GBP7: variants seen among roughly 807,000 people sequenced by gnomAD.
GBP7 encodes guanylate binding protein 7, also known as guanylate-binding protein 7.
In GBP7, 43 loss-of-function variants were observed where a neutral mutation model predicts 61.3. That is an observed-to-expected ratio of 0.70 (90% CI 0.55 to 0.91). The LOEUF is 0.91. GBP7 is among the 40% of genes least tolerant of loss of function. The pLI is 0.00. For synonymous variants in GBP7, 267 were observed against 271.0 expected (o/e 0.99, Z 0.14); for missense variants, 717 against 740.5 (o/e 0.97, Z 0.37).
Position 89,141,640 on chromosome 1 carries a change from C to T in GBP7, c.1374G>A (p.Glu458=), listed in dbSNP as rs775262454. ...GTGACTGCAGGAAGCTCTGGAGGAC[C>T]TCGTCTGCCTGAAGAACCAAGAAGG... ...LVPRKGVKAD[E]VLQSFLQSQV... is the part of the protein sequence containing the mutation. The change falls in exon 9 of 11, where the codon GAG becomes GAA. Residue 458 remains glutamate, a synonymous_variant. Transcript: ENST00000294671. The T allele has an allele frequency of 9.9e-6, 16 of 1,613,384 alleles. No individual in the cohort carries two copies. The highest frequency in any genetic ancestry group is 5.0e-5 in the Admixed American group (3 of 59,964).
chr1:89,133,295 A>G lies in GBP7; in HGVS notation c.1625T>C (p.Met542Thr), dbSNP rs761329228. 3 of 1,614,002 alleles carry G rather than the reference A, an allele frequency of 1.9e-6. No individual in the cohort carries two copies. The highest frequency in any genetic ancestry group is 4.5e-5 in the East Asian group (2 of 44,860). Residue 542 changes from methionine to threonine, a missense_variant, in exon 10 of 11, where the codon ATG becomes ACG. By Grantham distance (81) the Met-to-Thr change is moderately conservative (BLOSUM62 -1). Transcript: ENST00000294671. The part of the protein sequence containing the change: ...KKMERERENY[M>T]RELRKMLSHK... ...ACTCAACATCTTTCTCAGTTCTCTC[A>G]TATAGTTTTCCCTTTCCCTCTCCAT... is the stretch of plus-strand genomic sequence containing the variant.
rs376726789 is a variant in GBP7, at chr1:89,136,298, T to C, written c.1469-2847A>G. On this transcript the variant is annotated intron_variant, in intron 9 of 10. Coordinates refer to ENST00000294671, the MANE Select transcript of GBP7 (RefSeq NM_207398.3). The stretch of plus-strand genomic sequence containing the variant: ...AAGATATTCAGGACCTAACTTGACA[T>C]TTGACCAGATGGACCTAACAGACAT... Among the ~76,000 whole-genome samples, 55 of 152,168 alleles carry C rather than the reference T, an allele frequency of 3.6e-4. 6 individuals carry two copies. The highest frequency in any genetic ancestry group is 8.5e-4 in the Admixed American group (13 of 15,278).
rs139832563 is a variant in GBP7 at position 89,147,869 on chromosome 1, G to A, written c.1153-90C>T. ...TCCTCTTGGAAGAAGTAGTCTCATG[G>A]CCTCAGAGCAGGCTGAGTTACGGTG... On this transcript the variant is annotated intron_variant, in intron 7 of 10. Transcript: ENST00000294671. The A allele has an allele frequency of 1.0e-3, 1,362 of 1,337,678 alleles. 6 individuals carry two copies. The African/African-American group carries it at 0.017, about 17-fold the overall frequency. 82.9% of individuals were successfully genotyped at this position (1,337,678 alleles called of 1,614,324 possible). A position where few individuals can be genotyped will look rare whatever the true frequency, so the allele number is the denominator to read the frequency against.
chr1:89,165,232 T>G (rs1647392487), intron 2 of GBP7, among the ~76,000 whole-genome samples: 1 of 152,158 alleles, frequency 6.6e-6, no homozygotes, highest in Non-Finnish European at 1.5e-5. Flanking sequence ...CTGGGTGTGG[T>G]GGCTCACACC....
chr1:89,135,115 A>AT (rs1243227502), intron 9 of GBP7, among the ~76,000 whole-genome samples: 2 of 152,172 alleles, frequency 1.3e-5, no homozygotes, highest in East Asian at 1.9e-4. Context: ...TCAAAAACCC[A>AT]TTTTTCAAAT....
At chr1:89,139,736 A>T (rs1220280739) in intron 9 of GBP7, among the ~76,000 whole-genome samples, 7 of 152,362 alleles carry the variant, frequency 4.6e-5, no homozygotes, top group African/African-American at 1.7e-4. Flanking sequence ...TCAAAACCAC[A>T]ATGAGATACC....
At chr1:89,139,458 A>C (rs1681883235) in intron 9 of GBP7, among the ~76,000 whole-genome samples, 1 of 152,216 alleles carries the variant, frequency 6.6e-6, no homozygotes, top group African/African-American at 2.4e-5. Context: ...ATTTAATTAA[A>C]CTAAAGAGCT....
intron 6 of GBP7, 149 bp downstream of exon 6, chr1:89,150,181 C>T (rs1682158981): frequency 1.5e-6 from 1 of 676,992 alleles, no homozygotes; most frequent in Non-Finnish European, 2.5e-6. Flanking sequence ...AGCTTTTATA[C>T]CCTCACTGAG....
rs772362115 is a variant in GBP7 at position 89,132,423 on chromosome 1, T to G, written c.1663-20A>C. ...TAGGACCTATAAAAGTAAAAGAGCCTACTTTTGAAAATCCCCAATTTTTAA... is the reference window on the plus strand; with the variant it reads ...TAGGACCTATAAAAGTAAAAGAGCCGACTTTTGAAAATCCCCAATTTTTAA... On this transcript the variant is annotated intron_variant, in intron 10 of 10. Coordinates refer to ENST00000294671, the MANE Select transcript of GBP7 (RefSeq NM_207398.3). 1.3e-6 allele frequency: 2 copies of G among 1,552,580 alleles called. No homozygotes were observed. The highest frequency in any genetic ancestry group is 1.7e-6 in the Non-Finnish European group (2 of 1,156,620).
chr1:89,149,828 C>T (rs1682152752), intron 6 of GBP7, among the ~76,000 whole-genome samples: 1 of 151,562 alleles, frequency 6.6e-6, no homozygotes, highest in African/African-American at 2.4e-5. Context: ...AATTACTAAT[C>T]ACAAACAATA....
chr1:89,164,649 A>C, intron 3 of GBP7, 82 bp downstream of exon 3: 1 of 1,346,238 alleles, frequency 7.4e-7, no homozygotes, highest in Non-Finnish European at 1.0e-6. Flanking sequence ...GGAATAGGCC[A>C]GAGAAGTTGG....
chr1:89,155,865 A>G (rs1682305495), intron 3 of GBP7, among the ~76,000 whole-genome samples: 2 of 152,238 alleles, frequency 1.3e-5, no homozygotes, highest in African/African-American at 4.8e-5. Flanking sequence ...AATGCCACAA[A>G]GATACTCCTC....
intron 3 of GBP7, among the ~76,000 whole-genome samples, chr1:89,156,063 A>G (rs1682309765): frequency 1.3e-5 from 2 of 152,120 alleles, no homozygotes; most frequent in Non-Finnish European, 2.9e-5. Flanking sequence ...CAACATTCTT[A>G]AAAGAATTTT....
intron 3 of GBP7, 110 bp downstream of exon 3, chr1:89,164,621 A>T: frequency 9.2e-7 from 1 of 1,092,274 alleles, no homozygotes; most frequent in South Asian, 1.4e-5. Context: ...TGTTTCCCAT[A>T]ATCAGATTTG....
intron 8 of GBP7, among the ~76,000 whole-genome samples, chr1:89,147,351 G>A (rs544668677): frequency 6.6e-6 from 1 of 152,032 alleles, no homozygotes; most frequent in Non-Finnish European, 1.5e-5. Context: ...TGTTTCATCC[G>A]GACTTCTGAT....
At chr1:89,162,313 G>T (rs1388018860) in intron 3 of GBP7, among the ~76,000 whole-genome samples, 1 of 152,162 alleles carries the variant, frequency 6.6e-6, no homozygotes, top group Non-Finnish European at 1.5e-5. Context: ...ATTCTGTGAA[G>T]AATCTCAATG....
intron 3 of GBP7, among the ~76,000 whole-genome samples, chr1:89,153,528 A>T (rs1181603827): frequency 6.6e-6 from 1 of 152,232 alleles, no homozygotes; most frequent in Non-Finnish European, 1.5e-5. Context: ...CTATATTAGG[A>T]ATGCCAATGT....
Position 89,163,911 on chromosome 1 carries a change from T to C in GBP7, c.318+820A>G, listed in dbSNP as rs12093946. Among the ~76,000 whole-genome samples, 1,322 of 151,984 alleles carry C rather than the reference T, an allele frequency of 8.7e-3. 23 individuals are homozygous for C. The highest frequency in any genetic ancestry group is 0.031 in the African/African-American group (1,271 of 41,470). ...TTGAGATGGAGTCTCACTCTGTCAC[T>C]CAGGCTGGAGTGCAGTGGCATGATC... is the stretch of plus-strand genomic sequence containing the variant. On this transcript the variant is annotated intron_variant, in intron 3 of 10. Transcript: ENST00000294671.
chr1:89,172,462 T>G (rs1321466453), intron 1 of GBP7, among the ~76,000 whole-genome samples: 1 of 152,236 alleles, frequency 6.6e-6, no homozygotes, highest in Non-Finnish European at 1.5e-5. Flanking sequence ...CACTGGCCTG[T>G]GATTTTGAGG....
Sources: gnomAD v4.1 joint callset for allele counts (sites outside exome capture counted in the v4.1 genomes callset) on GRCh38, gnomAD v4.1.1 for gene constraint, MANE v1.5 for transcripts, NCBI Gene and HGNC (gene_info 2026-07-23, HGNC 2026-07-21) for gene names.